Variants in ATP2B2 observed in about 807,000 individuals in gnomAD.
ATP2B2 encodes plasma membrane calcium-transporting ATPase 2.
A neutral mutation model predicts 120.0 loss-of-function variants in ATP2B2; 15 were observed. The observed-to-expected ratio is 0.12, with a 90% confidence interval of 0.08 to 0.19. The LOEUF is 0.19. Among genes scored for constraint, ATP2B2 ranks in the 10% least tolerant of loss-of-function variants. ATP2B2 has a pLI of 1.00. For synonymous variants in ATP2B2, 694 were observed against 700.3 expected, an observed-to-expected ratio of 0.99 and a Z score of 0.14; for missense variants, 1,045 against 1,719.8, an observed-to-expected ratio of 0.61 and a Z score of 6.94.
rs1044435864 is a variant in ATP2B2 at position 10,395,532 on chromosome 3, G to C, written c.781+5421C>G. Reference sequence around the variant, plus strand: ...GAGGAGGAGAGTGAGATTTGTCAGAGAGCAAAGACGGCAAAAGGTTAGCAA... The same window carrying C: ...GAGGAGGAGAGTGAGATTTGTCAGACAGCAAAGACGGCAAAAGGTTAGCAA... On this transcript the variant is annotated intron_variant, in intron 5 of 22. Transcript: ENST00000360273. 2.0e-5 allele frequency among the ~76,000 whole-genome samples: 3 copies of C among 152,242 alleles called. No homozygotes were observed. In the South Asian group the frequency reaches 6.2e-4, roughly 31 times the overall value.
chr3:10,588,209 G>A (rs987296803), intron 2 of ATP2B2, among the ~76,000 whole-genome samples: 2 of 152,230 alleles, frequency 1.3e-5, no homozygotes, highest in Non-Finnish European at 2.9e-5. Flanking sequence ...TGCCCTGTGC[G>A]TTGGCCTTTA....
At chr3:10,401,153 G>T in intron 4 of ATP2B2, 75 bp from the exon 5 acceptor site, 1 of 1,574,468 alleles carries the variant, frequency 6.4e-7, no homozygotes, top group Non-Finnish European at 8.7e-7. Flanking sequence ...TTAAAGGTGC[G>T]ATTACCAGGG....
At chr3:10,379,212 C>A (rs370800227) in intron 9 of ATP2B2, 31 bp downstream of exon 9, 2 of 1,610,948 alleles carry the variant, frequency 1.2e-6, no homozygotes, top group Middle Eastern at 1.7e-4. Flanking sequence ...GCCTCAGGGA[C>A]GACAAACGCC....
intron 3 of ATP2B2, among the ~76,000 whole-genome samples, chr3:10,510,818 A>G (rs1411064123): frequency 6.6e-6 from 1 of 152,212 alleles, no homozygotes; most frequent in Non-Finnish European, 1.5e-5. Context: ...GCTGCCCCTC[A>G]GAGCTAATAC....
chr3:10,644,219 A>G (rs2125655628), intron 1 of ATP2B2, among the ~76,000 whole-genome samples: 1 of 152,328 alleles, frequency 6.6e-6, no homozygotes, highest in Admixed American at 6.5e-5. Flanking sequence ...CAAAACCACA[A>G]TGAGATCACA....
chr3:10,385,249 C>T lies in ATP2B2; in HGVS notation c.1000+19G>A, dbSNP rs529274933. 6 of 1,612,630 alleles carry T rather than the reference C, an allele frequency of 3.7e-6. No individual in the cohort carries two copies. In the South Asian group the frequency reaches 6.6e-5, roughly 18 times the overall value. The stretch of plus-strand genomic sequence containing the variant: ...ACGCCCATCCAACCATGACCAGGAG[C>T]TCGCCGTGGGAGACATACCATTGAC... On this transcript the variant is annotated intron_variant, in intron 8 of 22. Transcript: ENST00000360273.
chr3:10,599,990 C>T lies in ATP2B2; in HGVS notation c.-415+19927G>A, dbSNP rs75384199. ...GGAGAGGTAGCTTGTGCTAGGCTTTCCCACAGGCCTTTCAATTCAGAGTTT... is the reference window on the plus strand; with the variant it reads ...GGAGAGGTAGCTTGTGCTAGGCTTTTCCACAGGCCTTTCAATTCAGAGTTT... On this transcript the variant is annotated intron_variant, in intron 2 of 21. Transcript: ENST00000646379. Among the ~76,000 whole-genome samples the T allele has an allele frequency of 8.8e-3, 1,335 of 152,292 alleles. 73 individuals carry two copies. In the East Asian group the frequency reaches 0.14, roughly 16 times the overall value.
chr3:10,605,285 G>A (rs1235833543), intron 2 of ATP2B2, among the ~76,000 whole-genome samples: 1 of 152,174 alleles, frequency 6.6e-6, no homozygotes. Flanking sequence ...ATTTCCATAC[G>A]TCCTCTCATT....
At chr3:10,341,247 T>C (rs2060267047) in intron 19 of ATP2B2, among the ~76,000 whole-genome samples, 1 of 152,176 alleles carries the variant, frequency 6.6e-6, no homozygotes, top group African/African-American at 2.4e-5. Context: ...AGCTGTCACA[T>C]GGCAGGGCAC....
chr3:10,562,490 G>A (rs535933072), intron 2 of ATP2B2, among the ~76,000 whole-genome samples: 5 of 152,218 alleles, frequency 3.3e-5, no homozygotes, highest in Non-Finnish European at 7.4e-5. Flanking sequence ...TGGGTCTTGG[G>A]GAAGGAGGGA....
intron 7 of ATP2B2, 134 bp downstream of exon 7, chr3:10,386,346 G>A: frequency 2.1e-6 from 2 of 947,614 alleles, no homozygotes; most frequent in Non-Finnish European, 3.4e-6. Context: ...ACAAAGGAGG[G>A]TCTGGGGGGT....
At chr3:10,410,844 G>A in intron 2 of ATP2B2, 29 bp from the exon 3 acceptor site, 2 of 1,609,142 alleles carry the variant, frequency 1.2e-6, no homozygotes, top group South Asian at 1.1e-5. Context: ...GAGGTTGGCT[G>A]GGGGCCTGGG....
At chr3:10,632,967 G>A (rs959668577) in intron 1 of ATP2B2, among the ~76,000 whole-genome samples, 2 of 152,242 alleles carry the variant, frequency 1.3e-5, no homozygotes, top group Non-Finnish European at 2.9e-5. Flanking sequence ...TCAAATGGAG[G>A]GGGGCACATC....
chr3:10,422,674 G>A (rs2063023660), intron 2 of ATP2B2, among the ~76,000 whole-genome samples: 1 of 152,230 alleles, frequency 6.6e-6, no homozygotes, highest in East Asian at 1.9e-4. Flanking sequence ...TGTGGATGTG[G>A]CACTAGATTG....
chr3:10,411,908 T>C (rs2125023905), intron 2 of ATP2B2, among the ~76,000 whole-genome samples: 1 of 152,292 alleles, frequency 6.6e-6, no homozygotes, highest in Middle Eastern at 3.4e-3. Flanking sequence ...AAGGGCCCAC[T>C]TCCACCCACC....
At chr3:10,450,110 G>C (rs980680770) in intron 1 of ATP2B2, among the ~76,000 whole-genome samples, 6 of 152,100 alleles carry the variant, frequency 3.9e-5, no homozygotes, top group African/African-American at 9.7e-5. Context: ...GTTGTGCTGT[G>C]GAACACACTG....
intron 1 of ATP2B2, among the ~76,000 whole-genome samples, chr3:10,682,239 C>A (rs1194469613): frequency 6.6e-6 from 1 of 152,194 alleles, no homozygotes; most frequent in Admixed American, 6.5e-5. Flanking sequence ...GTCTGAAATC[C>A]TCTTTGCCCT....
chr3:10,522,976 C>G (rs2067015082), intron 3 of ATP2B2, among the ~76,000 whole-genome samples: 1 of 152,206 alleles, frequency 6.6e-6, no homozygotes, highest in African/African-American at 2.4e-5. Flanking sequence ...CAGGACCTGG[C>G]ACACAATAGG....
intron 2 of ATP2B2, among the ~76,000 whole-genome samples, chr3:10,564,156 C>A (rs2067960088): frequency 6.6e-6 from 1 of 152,158 alleles, no homozygotes; most frequent in African/African-American, 2.4e-5. Context: ...GTCTAGAGGA[C>A]CTGTCTGTCA....
Sources: gnomAD v4.1 joint callset for allele counts (sites outside exome capture counted in the v4.1 genomes callset) on GRCh38, gnomAD v4.1.1 for gene constraint, MANE v1.5 for transcripts, NCBI Gene and HGNC (gene_info 2026-07-23, HGNC 2026-07-21) for gene names.